Variants in LOXHD1 observed in about 807,000 individuals in gnomAD.
The protein encoded by LOXHD1 is lipoxygenase homology PLAT domains 1, also known as lipoxygenase homology domain-containing protein 1.
In LOXHD1, 205 loss-of-function variants were observed where a neutral mutation model predicts 248.2. The ratio of observed to expected loss-of-function variants is 0.83; its 90% confidence interval spans 0.74 to 0.93. The LOEUF is 0.93. LOXHD1 is among the 40% of genes least tolerant of loss of function. LOXHD1 has a pLI of 0.00. For missense variants in LOXHD1, 2,930 were observed against 2,971.6 expected (o/e 0.99, Z 0.33); for synonymous variants, 1,113 against 1,162.8 (o/e 0.96, Z 0.87).
chr18:46,648,819 T>C (rs1377348259), intron 2 of LOXHD1, among the ~76,000 whole-genome samples: 1 of 152,132 alleles, frequency 6.6e-6, no homozygotes, highest in African/African-American at 2.4e-5. Context: ...TGTGTGATGA[T>C]ATATGAGGAA....
At chr18:46,498,726 C>G (rs2034031979) in intron 37 of LOXHD1, among the ~76,000 whole-genome samples, 1 of 152,172 alleles carries the variant, frequency 6.6e-6, no homozygotes, top group African/African-American at 2.4e-5. Flanking sequence ...AGGGCCCATT[C>G]TAAATCCATG....
At chr18:46,511,496 G>T (rs991230989) in intron 34 of LOXHD1, among the ~76,000 whole-genome samples, 1 of 152,160 alleles carries the variant, frequency 6.6e-6, no homozygotes, top group Non-Finnish European at 1.5e-5. Flanking sequence ...TCCTATTCTG[G>T]TTTCCTTCTG....
chr18:46,623,245 T>C (rs761449357), intron 4 of LOXHD1, among the ~76,000 whole-genome samples: 1 of 152,228 alleles, frequency 6.6e-6, no homozygotes, highest in Non-Finnish European at 1.5e-5. Context: ...AGCTCTCTGA[T>C]GTGAATTGTG....
Position 46,560,496 on chromosome 18 carries a change from G to T in LOXHD1, c.2648C>A (p.Thr883Lys). 2 of 1,537,796 alleles carry T rather than the reference G, an allele frequency of 1.3e-6. No individual in the cohort carries two copies. Among genetic ancestry groups the T allele is most frequent in the Non-Finnish European group, 1.7e-6 (2 of 1,146,574 alleles). ...GEVYKLRLGH[T>K]GEGFGPSWFV... Reference sequence around the variant, plus strand: ...CCAGCTGGGCCCAAAGCCCTCGCCCGTGTGCCCGAGCCGGAGCTTATAGAC... The same window carrying T: ...CCAGCTGGGCCCAAAGCCCTCGCCCTTGTGCCCGAGCCGGAGCTTATAGAC... Residue 883 changes from threonine to lysine, a missense_variant, in exon 19 of 41, where the codon ACG becomes AAG. Thr to Lys is a moderately conservative substitution (Grantham distance 78, BLOSUM62 -1). Transcript: ENST00000642948.
At chr18:46,581,949 C>G (rs1327988240) in intron 12 of LOXHD1, among the ~76,000 whole-genome samples, 1 of 152,138 alleles carries the variant, frequency 6.6e-6, no homozygotes, top group African/African-American at 2.4e-5. Flanking sequence ...ACAAAAGCTA[C>G]CTTTCAAGAA....
chr18:46,643,852 ATACT>A (rs1459677266), intron 2 of LOXHD1, among the ~76,000 whole-genome samples: 1 of 152,226 alleles, frequency 6.6e-6, no homozygotes, highest in African/African-American at 2.4e-5. Context: ...GTAAAAAAAA[ATACT>A]TAATGAAACA....
intron 14 of LOXHD1, among the ~76,000 whole-genome samples, chr18:46,576,946 G>A (rs955496023): frequency 3.9e-5 from 6 of 152,172 alleles, no homozygotes; most frequent in Non-Finnish European, 8.8e-5. Context: ...ACTCAAAGGA[G>A]GGCTGTCCTC....
intron 37 of LOXHD1, among the ~76,000 whole-genome samples, chr18:46,492,595 T>C (rs1443257983): frequency 6.6e-6 from 1 of 152,176 alleles, no homozygotes; most frequent in African/African-American, 2.4e-5. Context: ...TAAGGTGAGA[T>C]TTGGGTGGGG....
chr18:46,542,801 C>T lies in LOXHD1; in HGVS notation c.3674G>A (p.Ser1225Asn), dbSNP rs1488624124. The part of the protein sequence containing the change: ...KTNSDKFERD[S>N]IEIFTVETLD... ...CGTCTCCACCGTGAAGATTTCAATGCTGTCCCTCTCAAACTTATCGCTGTT... is the reference window on the plus strand; with the variant it reads ...CGTCTCCACCGTGAAGATTTCAATGTTGTCCCTCTCAAACTTATCGCTGTT... The change falls in exon 24 of 41, where the codon AGC becomes AAC. Residue 1225 changes from serine to asparagine, a missense_variant. Coordinates refer to ENST00000642948, the MANE Select transcript of LOXHD1 (RefSeq NM_001384474.1). The T allele has an allele frequency of 1.9e-6, 3 of 1,551,752 alleles. No homozygotes were observed. Among genetic ancestry groups the T allele is most frequent in the African/African-American group, 1.4e-5 (1 of 73,184 alleles).
chr18:46,477,260 G>T, downstream of LOXHD1: 1 of 767,930 alleles, frequency 1.3e-6, no homozygotes, highest in Non-Finnish European at 2.3e-6. Context: ...AATTATTTTT[G>T]GGCAGCCACA....
intron 35 of LOXHD1, 99 bp from the exon 36 acceptor site, chr18:46,507,811 G>C: frequency 7.6e-7 from 1 of 1,307,430 alleles, no homozygotes; most frequent in South Asian, 1.5e-5. Flanking sequence ...CAACCCTGGA[G>C]ATCCCAGACC....
At chr18:46,631,168 G>C (rs2038815864) in intron 4 of LOXHD1, among the ~76,000 whole-genome samples, 1 of 152,206 alleles carries the variant, frequency 6.6e-6, no homozygotes, top group Admixed American at 6.5e-5. Flanking sequence ...TCACCAGGTA[G>C]ATAGGAGGAG....
intron 10 of LOXHD1, among the ~76,000 whole-genome samples, chr18:46,593,280 A>G (rs185804801): frequency 6.6e-6 from 1 of 152,292 alleles, no homozygotes; most frequent in East Asian, 1.9e-4. Context: ...GTCTGACACT[A>G]AGTGTTCTCA....
chr18:46,612,384 A>G (rs1230701317), intron 5 of LOXHD1, among the ~76,000 whole-genome samples: 4 of 152,180 alleles, frequency 2.6e-5, no homozygotes, highest in Non-Finnish European at 4.4e-5. Context: ...ACAAACATTA[A>G]CATATATTTT....
At chr18:46,582,887 A>T (rs328161) in intron 12 of LOXHD1, among the ~76,000 whole-genome samples, 120,612 of 152,070 alleles carry the variant, frequency 0.79, 48,386 homozygotes, top group Non-Finnish European at 0.86. Context: ...GGTGGTTCCT[A>T]TGAATGATCA....
At chr18:46,641,869 T>A in intron 3 of LOXHD1, 87 bp downstream of exon 3, 1 of 1,301,456 alleles carries the variant, frequency 7.7e-7, no homozygotes, top group Non-Finnish European at 1.1e-6. Flanking sequence ...ATCTGGGAAG[T>A]AATTCATACC....
Position 46,521,287 on chromosome 18 carries a change from G to C in LOXHD1, c.5086-5C>G. 1 of 1,551,644 alleles carries C rather than the reference G, an allele frequency of 6.4e-7. No homozygotes were observed. Among genetic ancestry groups the C allele is most frequent in the Non-Finnish European group, 8.7e-7 (1 of 1,146,988 alleles). Reference sequence around the variant, plus strand: ...GGAGGCCCCGTCATGGCCCAGCTAGGAGGAGACACACCTGATCTGTGACGA... The same window carrying C: ...GGAGGCCCCGTCATGGCCCAGCTAGCAGGAGACACACCTGATCTGTGACGA... On this transcript the variant is annotated splice_polypyrimidine_tract_variant and splice_region_variant and intron_variant, in intron 32 of 40. Transcript: ENST00000642948.
At chr18:46,651,566 T>C (rs941618803) in intron 1 of LOXHD1, among the ~76,000 whole-genome samples, 2 of 151,490 alleles carry the variant, frequency 1.3e-5, no homozygotes, top group Non-Finnish European at 2.9e-5. Flanking sequence ...GAGAGGAGCA[T>C]TGGAGAGGCA....
intron 7 of LOXHD1, 59 bp downstream of exon 7, chr18:46,604,047 A>T (rs2038377032): frequency 6.5e-7 from 1 of 1,546,068 alleles, no homozygotes; most frequent in African/African-American, 1.4e-5. Flanking sequence ...AGATGCCAAC[A>T]GCGACCCTTA....
Sources: gnomAD v4.1 joint callset for allele counts (sites outside exome capture counted in the v4.1 genomes callset) on GRCh38, gnomAD v4.1.1 for gene constraint, MANE v1.5 for transcripts, NCBI Gene and HGNC (gene_info 2026-07-23, HGNC 2026-07-21) for gene names.